The following PLXNA4 variants were observed in gnomAD, a reference collection of about 807,000 sequenced individuals.
PLXNA4 encodes plexin A4.
A neutral mutation model predicts 191.8 loss-of-function variants in PLXNA4; 44 were observed. That is an observed-to-expected ratio of 0.23 (90% CI 0.18 to 0.29). The LOEUF is 0.29. PLXNA4 is among the 10% of genes least tolerant of loss of function. The pLI is 1.00. For synonymous variants in PLXNA4, 1,082 were observed against 1,009.5 expected (o/e 1.07, Z -1.36); for missense variants, 1,800 against 2,488.8 (o/e 0.72, Z 5.89).
At chr7:132,365,360 T>TGTGTGTGTGTGTGTGCGCGC in intron 3 of PLXNA4, among the ~76,000 whole-genome samples, 8 of 128,824 alleles carry the variant, frequency 6.2e-5, no homozygotes, top group African/African-American at 2.4e-4. Flanking sequence ...TGTGTGTGTG[T>TGTGTGTGTGTGTGTGCGCGC]GCGTGCGCGC....
At chr7:132,466,507 G>A (rs890848280) in intron 3 of PLXNA4, among the ~76,000 whole-genome samples, 3 of 152,226 alleles carry the variant, frequency 2.0e-5, no homozygotes, top group Non-Finnish European at 2.9e-5. Context: ...TGTAAATCAC[G>A]CAGAGCAGCA....
chr7:132,344,499 C>G (rs760142249), intron 3 of PLXNA4, among the ~76,000 whole-genome samples: 1 of 152,120 alleles, frequency 6.6e-6, no homozygotes, highest in African/African-American at 2.4e-5. Flanking sequence ...ACTGCATGTG[C>G]CTTGCCTACT....
At chr7:132,581,013 T>G (rs1802392789), upstream of PLXNA4, among the ~76,000 whole-genome samples, 1 of 152,246 alleles carries the variant, frequency 6.6e-6, no homozygotes, top group South Asian at 2.1e-4. Flanking sequence ...CCCTGCTTTC[T>G]GCATGTGTCA....
intron 4 of PLXNA4, among the ~76,000 whole-genome samples, chr7:132,293,028 AG>A (rs1333644846): frequency 6.6e-6 from 1 of 152,158 alleles, no homozygotes; most frequent in Non-Finnish European, 1.5e-5. Context: ...GTACACGGAG[AG>A]CCAGGGTCCA....
At chr7:132,603,145 G>T (rs892759534) in intron 2 of PLXNA4, among the ~76,000 whole-genome samples, 2 of 152,108 alleles carry the variant, frequency 1.3e-5, no homozygotes, top group African/African-American at 4.8e-5. Flanking sequence ...TAGCCAGTTT[G>T]CTGGTTTCAA....
Position 132,201,890 on chromosome 7 carries a change from A to G in PLXNA4, c.2586+756T>C, listed in dbSNP as rs117541071. Among the ~76,000 whole-genome samples the G allele has an allele frequency of 1.5e-3, 227 of 152,236 alleles. 1 individual carries two copies. Among genetic ancestry groups the G allele is most frequent in the Non-Finnish European group, 2.6e-3 (177 of 68,010 alleles). ...GAGTGAGGAGGCTGGTGAGATCCCC[A>G]TGAGCTGGGCCCAGAGCAAGGTACC... On this transcript the variant is annotated intron_variant, in intron 12 of 31. Coordinates refer to ENST00000321063, the MANE Select transcript of PLXNA4 (RefSeq NM_020911.2).
intron 4 of PLXNA4, among the ~76,000 whole-genome samples, chr7:132,270,636 G>T (rs1800031641): frequency 6.6e-6 from 1 of 152,202 alleles, no homozygotes; most frequent in African/African-American, 2.4e-5. Flanking sequence ...TTGTATATAT[G>T]TAATACCTCT....
At chr7:132,302,741 A>T (rs1444918883) in intron 3 of PLXNA4, among the ~76,000 whole-genome samples, 2 of 152,108 alleles carry the variant, frequency 1.3e-5, no homozygotes, top group East Asian at 3.9e-4. Flanking sequence ...TAGGAAAGAC[A>T]GCCCATGCCA....
chr7:132,594,642 C>T (rs1802664719), intron 2 of PLXNA4, among the ~76,000 whole-genome samples: 1 of 152,300 alleles, frequency 6.6e-6, no homozygotes, highest in South Asian at 2.1e-4. Flanking sequence ...CCCTCCAGCT[C>T]TCACTCTCTA....
At chr7:132,198,162 G>A (rs1248221866) in intron 13 of PLXNA4, among the ~76,000 whole-genome samples, 1 of 152,178 alleles carries the variant, frequency 6.6e-6, no homozygotes, top group African/African-American at 2.4e-5. Flanking sequence ...ACAGCAGAAG[G>A]AATTGGATTT....
At chr7:132,140,838 C>T (rs371969906) in intron 29 of PLXNA4, 27 bp from the exon 30 acceptor site, 9 of 1,612,178 alleles carry the variant, frequency 5.6e-6, no homozygotes, top group African/African-American at 1.3e-5. Flanking sequence ...GGCAGATGGT[C>T]AGGAAAGACG....
intron 12 of PLXNA4, among the ~76,000 whole-genome samples, chr7:132,201,522 A>G (rs758378383): frequency 2.0e-5 from 3 of 152,188 alleles, no homozygotes; most frequent in African/African-American, 7.2e-5. Flanking sequence ...TCACTGAGGC[A>G]GAGACTGAGT....
At chr7:132,575,934 TG>T (rs1802205039) in intron 1 of PLXNA4, among the ~76,000 whole-genome samples, 1 of 152,114 alleles carries the variant, frequency 6.6e-6, no homozygotes, top group Admixed American at 6.6e-5. Context: ...CGAATATCTG[TG>T]GGTCTGTCTC....
chr7:132,509,417 T>G (rs567870465), intron 1 of PLXNA4, among the ~76,000 whole-genome samples: 2 of 152,266 alleles, frequency 1.3e-5, no homozygotes, highest in Admixed American at 1.3e-4. Flanking sequence ...TAACCTTTTC[T>G]CAAAGGACCA....
intron 3 of PLXNA4, among the ~76,000 whole-genome samples, chr7:132,464,900 C>G (rs1796642276): frequency 6.6e-6 from 1 of 152,186 alleles, no homozygotes; most frequent in African/African-American, 2.4e-5. Context: ...TGGCCAGAAG[C>G]CCATTTTCCT....
intron 3 of PLXNA4, among the ~76,000 whole-genome samples, chr7:132,441,662 T>C (rs534979254): frequency 6.6e-6 from 1 of 152,380 alleles, no homozygotes; most frequent in African/African-American, 2.4e-5. Context: ...GGAGTCTATT[T>C]CATGCCTTTT....
intron 23 of PLXNA4, among the ~76,000 whole-genome samples, chr7:132,164,900 T>A (rs1274085420): frequency 6.6e-6 from 1 of 152,250 alleles, no homozygotes; most frequent in Non-Finnish European, 1.5e-5. Context: ...AGGGCTCATC[T>A]ATCCCTTGCC....
At chr7:132,276,153 A>C (rs1208704607) in intron 4 of PLXNA4, among the ~76,000 whole-genome samples, 1 of 152,198 alleles carries the variant, frequency 6.6e-6, no homozygotes, top group Non-Finnish European at 1.5e-5. Flanking sequence ...CCCCTCCAGA[A>C]TGTAAGCTAC....
intron 3 of PLXNA4, among the ~76,000 whole-genome samples, chr7:132,453,900 A>G (rs896239261): frequency 1.3e-5 from 2 of 152,240 alleles, no homozygotes; most frequent in Non-Finnish European, 2.9e-5. Flanking sequence ...CAGTGACTAT[A>G]ATAATCATTT....
Sources: allele counts gnomAD v4.1 joint callset (sites outside exome capture counted in the v4.1 genomes callset), GRCh38; gene constraint gnomAD v4.1.1; transcripts MANE v1.5; gene names NCBI Gene and HGNC (gene_info 2026-07-23, HGNC 2026-07-21).